TEX264: variants seen among roughly 807,000 people sequenced by gnomAD.
The protein encoded by TEX264 is testis expressed 264, ER-phagy receptor.
In TEX264, 13 loss-of-function variants were observed where a neutral mutation model predicts 23.4. That is an observed-to-expected ratio of 0.56 (90% confidence interval 0.36 to 0.88). TEX264 has a LOEUF of 0.88. Among genes scored for constraint, TEX264 ranks in the 40% least tolerant of loss-of-function variants. TEX264 has a pLI of 0.01. For synonymous variants in TEX264, 159 were observed against 170.0 expected, an observed-to-expected ratio of 0.94 and a Z score of 0.50; for missense variants, 340 against 406.8, an observed-to-expected ratio of 0.84 and a Z score of 1.41.
rs78568262 is a variant in TEX264 at position 51,677,407 on chromosome 3, G to T, written c.258+2845G>T. ...GCAGTGTGCAGCGTGGCATGCTCTG[G>T]TTCTCAGAGAAAGAGAATAGAGGCT... On this transcript the variant is annotated intron_variant, in intron 2 of 4. Coordinates refer to ENST00000341333, the MANE Select transcript of TEX264 (RefSeq NM_015926.6). Among the ~76,000 whole-genome samples the T allele has an allele frequency of 4.3e-3, 651 of 152,248 alleles. 4 individuals are homozygous for T. The highest frequency in any genetic ancestry group is 0.015 in the African/African-American group (621 of 41,542).
chr3:51,680,356 C>T (rs1024111190), intron 2 of TEX264, among the ~76,000 whole-genome samples: 3 of 152,202 alleles, frequency 2.0e-5, no homozygotes, highest in Admixed American at 6.5e-5. Context: ...TGGCTGTCTT[C>T]GCTATAGCCT....
chr3:51,688,500 T>C (rs1047676354), intron 3 of TEX264, among the ~76,000 whole-genome samples: 3 of 152,206 alleles, frequency 2.0e-5, no homozygotes, highest in Non-Finnish European at 2.9e-5. Context: ...CCATGCCTGA[T>C]TTCTCTCCCA....
At chr3:51,699,844 G>A (rs1024903823) in intron 4 of TEX264, among the ~76,000 whole-genome samples, 2 of 152,166 alleles carry the variant, frequency 1.3e-5, no homozygotes, top group Non-Finnish European at 2.9e-5. Context: ...CCCTCCAGAT[G>A]CAGCAGGAGT....
At chr3:51,680,974 C>T (rs922774383) in intron 2 of TEX264, among the ~76,000 whole-genome samples, 6 of 152,200 alleles carry the variant, frequency 3.9e-5, no homozygotes, top group African/African-American at 1.4e-4. Flanking sequence ...GGGCCTGTCC[C>T]ATTTCCTCCT....
intron 3 of TEX264, among the ~76,000 whole-genome samples, chr3:51,688,774 A>G (rs1182735633): frequency 2.0e-5 from 3 of 152,116 alleles, no homozygotes; most frequent in Non-Finnish European, 4.4e-5. Flanking sequence ...CTGTGAGGGG[A>G]ACCTTGGTGG....
chr3:51,674,438 A>C lies in TEX264; in HGVS notation c.134A>C (p.Asn45Thr). The change falls in exon 2 of 5, where the codon AAC becomes ACC. Residue 45 changes from asparagine to threonine, a missense_variant. Asn to Thr is a moderately conservative substitution (Grantham distance 65, BLOSUM62 0). Coordinates refer to ENST00000341333, the MANE Select transcript of TEX264 (RefSeq NM_015926.6). Reference sequence around the variant, plus strand: ...AGTGCTGGGTCACCCCCCATCCGCAACGTCACTGTGGCCTACAAGTTCCAC... The same window carrying C: ...AGTGCTGGGTCACCCCCCATCCGCACCGTCACTGTGGCCTACAAGTTCCAC... ...EVSAGSPPIRNVTVAYKFHMG... is the reference protein window; with the variant it reads ...EVSAGSPPIRTVTVAYKFHMG... 1.2e-6 allele frequency: 2 copies of C among 1,614,166 alleles called. No homozygotes were observed. Among genetic ancestry groups the C allele is most frequent in the Non-Finnish European group, 1.7e-6 (2 of 1,180,016 alleles).
At chr3:51,690,853 T>C (rs1702805142) in intron 3 of TEX264, among the ~76,000 whole-genome samples, 1 of 152,146 alleles carries the variant, frequency 6.6e-6, no homozygotes. Context: ...GGCTGAGGCC[T>C]AGGGAAGGAA....
At position 51,699,575 on chromosome 3, in the gene TEX264, G is replaced by T. The variant is rs1051796530; in HGVS notation, c.649+1G>T. On this transcript the variant is annotated splice_donor_variant, in intron 4 of 4. Transcript: ENST00000341333. LOFTEE classifies it high-confidence loss of function. The stretch of plus-strand genomic sequence containing the variant: ...ATTGACACCCAGGTGGATGGCACAG[G>T]TACAGAAGGTGGGGTATGAGGATGG... The T allele has an allele frequency of 6.2e-7, 1 of 1,613,754 alleles. No individual in the cohort carries two copies. Among genetic ancestry groups the T allele is most frequent in the Non-Finnish European group, 8.5e-7 (1 of 1,179,734 alleles).
At chr3:51,676,720 T>A (rs1305235987) in intron 2 of TEX264, among the ~76,000 whole-genome samples, 1 of 152,232 alleles carries the variant, frequency 6.6e-6, no homozygotes, top group Non-Finnish European at 1.5e-5. Flanking sequence ...GTGAGGCATT[T>A]ACCCCAGCAC....
intron 3 of TEX264, among the ~76,000 whole-genome samples, chr3:51,693,535 G>A (rs1337151139): frequency 1.3e-5 from 2 of 148,644 alleles, no homozygotes; most frequent in African/African-American, 5.0e-5. Context: ...GCTGGAGTGC[G>A]GTGGCACGAT....
chr3:51,693,192 G>T (rs1702889868), intron 3 of TEX264, among the ~76,000 whole-genome samples: 2 of 152,232 alleles, frequency 1.3e-5, no homozygotes, highest in Admixed American at 1.3e-4. Context: ...ATGAATAGAG[G>T]TGTAAATTGT....
chr3:51,674,174 C>T, intron 1 of TEX264, 97 bp from the exon 2 acceptor site: 1 of 1,315,646 alleles, frequency 7.6e-7, no homozygotes, highest in Non-Finnish European at 1.1e-6. Flanking sequence ...GCACCCAAGG[C>T]AGGTCTGAGG....
rs761097253 is a variant in TEX264 at position 51,699,410 on chromosome 3, G to A, written c.485G>A (p.Arg162Gln). The change falls in exon 4 of 5, where the codon CGG (arginine) becomes CAG (glutamine). Residue 162 changes from arginine (R) to glutamine (Q), a missense_variant. Arg to Gln is a conservative substitution (Grantham distance 43). Transcript: ENST00000341333. Reference sequence around the variant, plus strand: ...CTTTTGCCACTCTCTGACTAGGAGCGGAAGCTGTGTGCCTATCCTCGGCTG... The same window carrying A: ...CTTTTGCCACTCTCTGACTAGGAGCAGAAGCTGTGTGCCTATCCTCGGCTG... ...HPALDTYIKE[R>Q]KLCAYPRLEI... The A allele has an allele frequency of 1.8e-5, 29 of 1,613,642 alleles. No individual in the cohort carries two copies. The highest frequency in any genetic ancestry group is 1.1e-4 in the East Asian group (5 of 44,890).
intron 2 of TEX264, among the ~76,000 whole-genome samples, chr3:51,676,149 C>G (rs1478080532): frequency 6.6e-6 from 1 of 152,148 alleles, no homozygotes; most frequent in Non-Finnish European, 1.5e-5. Flanking sequence ...GATGTGTGAC[C>G]CTCACCCCTT....
chr3:51,687,904 G>T (rs1702685506), intron 3 of TEX264, among the ~76,000 whole-genome samples: 1 of 152,240 alleles, frequency 6.6e-6, no homozygotes, highest in Non-Finnish European at 1.5e-5. Flanking sequence ...GATTCTGGAA[G>T]GGATGGCTGA....
In TEX264 at chr3:51,686,541, A is replaced by G. The variant is rs1406494772; in HGVS notation, c.480+1907A>G. 1.3e-5 allele frequency among the ~76,000 whole-genome samples: 2 copies of G among 152,112 alleles called. No homozygotes were observed. The highest frequency in any genetic ancestry group is 2.9e-5 in the Non-Finnish European group (2 of 68,010). On this transcript the variant is annotated intron_variant, in intron 3 of 4. Coordinates refer to ENST00000341333, the MANE Select transcript of TEX264 (RefSeq NM_015926.6). The surrounding 1 kb of genome is among the most constrained non-coding windows in gnomAD (Gnocchi z 4.1). Reference sequence around the variant, plus strand: ...GAATCAGGAGTGAGAAGACCTGGAAAGGGGAGGGCTGTCACGGTGATAAGG... The same window carrying G: ...GAATCAGGAGTGAGAAGACCTGGAAGGGGGAGGGCTGTCACGGTGATAAGG...
chr3:51,673,775 C>T (rs941786914), intron 1 of TEX264, among the ~76,000 whole-genome samples: 6 of 152,098 alleles, frequency 3.9e-5, no homozygotes, highest in African/African-American at 1.5e-4. Flanking sequence ...GTTTCCCTGT[C>T]GTTAGTAAGT....
chr3:51,691,422 T>A lies in TEX264; in HGVS notation c.480+6788T>A, dbSNP rs1335539335. Among the ~76,000 whole-genome samples, 1 of 152,212 alleles carries A rather than the reference T, an allele frequency of 6.6e-6. No homozygotes were observed. The highest frequency in any genetic ancestry group is 2.4e-5 in the African/African-American group (1 of 41,460). ...CTGAGTGACAATCCTCCAGCACTCTTTCCTCTTCCACCTCCTCCAGCCACA... is the reference window on the plus strand; with the variant it reads ...CTGAGTGACAATCCTCCAGCACTCTATCCTCTTCCACCTCCTCCAGCCACA... On this transcript the variant is annotated intron_variant, in intron 3 of 4. Coordinates refer to ENST00000341333, the MANE Select transcript of TEX264 (RefSeq NM_015926.6). This position sits in a 1 kb window ranked among gnomAD's most constrained non-coding sequence, Gnocchi z 4.4.
Position 51,699,533 on chromosome 3 carries a change from G to A in TEX264, c.608G>A (p.Arg203Gln), listed in dbSNP as rs753054411. 5.6e-6 allele frequency: 9 copies of A among 1,614,014 alleles called. No homozygotes were observed. The Admixed American group carries it at 8.3e-5, about 15-fold the overall frequency. Residue 203 changes from arginine (R) to glutamine (Q), a missense_variant, in exon 4 of 5, where the codon CGG (arginine) becomes CAG (glutamine). Arg to Gln is a conservative substitution (Grantham distance 43). Coordinates refer to ENST00000341333, the MANE Select transcript of TEX264 (RefSeq NM_015926.6). ...PEMKETEWKWRGLVEAIDTQV... is the reference protein window; with the variant it reads ...PEMKETEWKWQGLVEAIDTQV... ...ATGAAGGAGACAGAGTGGAAATGGC[G>A]GGGGCTTGTGGAGGCCATTGACACC...
Sources: allele counts gnomAD v4.1 joint callset (sites outside exome capture counted in the v4.1 genomes callset), GRCh38; gene constraint gnomAD v4.1.1; non-coding constraint Gnocchi (gnomAD v3.1); transcripts MANE v1.5; gene names NCBI Gene and HGNC (gene_info 2026-07-23, HGNC 2026-07-21).